Variants in ARHGEF10 observed in about 807,000 individuals in gnomAD.
ARHGEF10 encodes Rho guanine nucleotide exchange factor 10.
ARHGEF10 carries 140 observed loss-of-function variants against 147.4 expected under a neutral mutation model. The observed-to-expected ratio is 0.95, with a 90% CI of 0.83 to 1.09. The LOEUF is 1.09. ARHGEF10 is among the 50% of genes least tolerant of loss of function. The probability of loss-of-function intolerance (pLI) is 0.00; values close to 1 mark genes in which losing one functional copy is unlikely to be tolerated. For synonymous variants in ARHGEF10, 902 were observed against 695.8 expected (o/e 1.30, Z -4.67); for missense variants, 2,222 against 1,752.7 (o/e 1.27, Z -4.78).
At chr8:1,918,056 G>T (rs779273351) in intron 18 of ARHGEF10, among the ~76,000 whole-genome samples, 9 of 152,088 alleles carry the variant, frequency 5.9e-5, no homozygotes, top group Non-Finnish European at 1.3e-4. Flanking sequence ...CCAAAGTGCT[G>T]GGATTATAGG....
intron 26 of ARHGEF10, among the ~76,000 whole-genome samples, chr8:1,941,130 A>G (rs547234871): frequency 1.1e-4 from 16 of 152,338 alleles, no homozygotes; most frequent in African/African-American, 3.8e-4. Flanking sequence ...GCAATTAGAC[A>G]AGGGAAAAAG....
intron 15 of ARHGEF10, 100 bp from the exon 16 acceptor site, chr8:1,903,181 C>A (rs956897461): frequency 4.9e-6 from 7 of 1,442,254 alleles, no homozygotes; most frequent in Non-Finnish European, 6.8e-6. Context: ...ATGGCAGATG[C>A]CACTGCCTCC....
In ARHGEF10 at chr8:1,859,881, C is replaced by G; in HGVS notation, c.194-16C>G. ...TTGGTGATGTGTCTGCTGACAAGTCCTTTCTGCATCCCCAGGAGGTGAGGA... is the reference window on the plus strand; with the variant it reads ...TTGGTGATGTGTCTGCTGACAAGTCGTTTCTGCATCCCCAGGAGGTGAGGA... On this transcript the variant is annotated splice_polypyrimidine_tract_variant and intron_variant, in intron 3 of 28. Coordinates refer to ENST00000349830, the MANE Select transcript of ARHGEF10 (RefSeq NM_014629.4). 5.0e-6 allele frequency: 8 copies of G among 1,613,892 alleles called. No homozygotes were observed. Among genetic ancestry groups the G allele is most frequent in the Non-Finnish European group, 5.9e-6 (7 of 1,180,012 alleles).
chr8:1,862,182 G>A (rs1806185131), intron 4 of ARHGEF10, among the ~76,000 whole-genome samples: 1 of 152,222 alleles, frequency 6.6e-6, no homozygotes, highest in Non-Finnish European at 1.5e-5. Flanking sequence ...CTTCCTGCCT[G>A]GTGGCACTGC....
At chr8:1,921,071 C>T (rs1427200936) in intron 18 of ARHGEF10, among the ~76,000 whole-genome samples, 2 of 152,164 alleles carry the variant, frequency 1.3e-5, no homozygotes, top group East Asian at 3.9e-4. Flanking sequence ...CAGGAGTGAG[C>T]CACTATGCCT....
chr8:1,954,167 C>T (rs1476788218), intron 28 of ARHGEF10, among the ~76,000 whole-genome samples: 1 of 152,072 alleles, frequency 6.6e-6, no homozygotes, highest in African/African-American at 2.4e-5. Context: ...AGTCTCGGCT[C>T]ACTGCACCCT....
chr8:1,858,187 T>TGAGTCCCCAG, intron 3 of ARHGEF10, 72 bp downstream of exon 3: 42 of 1,037,864 alleles, frequency 4.0e-5, no homozygotes, highest in African/African-American at 6.6e-5. Context: ...TGGGTCCCCA[T>TGAGTCCCCAG]GTGAGTCACC....
chr8:1,909,530 C>G, intron 18 of ARHGEF10, 60 bp downstream of exon 18: 1 of 1,603,800 alleles, frequency 6.2e-7, no homozygotes, highest in Non-Finnish European at 8.5e-7. Context: ...CACGTTCATG[C>G]TAGCTGTGGG....
chr8:1,951,896 G>A (rs1815078357), intron 27 of ARHGEF10, among the ~76,000 whole-genome samples: 1 of 152,138 alleles, frequency 6.6e-6, no homozygotes, highest in African/African-American at 2.4e-5. Flanking sequence ...TGTAACTGCA[G>A]TGAGGTGGGG....
intron 2 of ARHGEF10, among the ~76,000 whole-genome samples, chr8:1,844,425 C>CTGGGG: frequency 6.6e-6 from 1 of 151,970 alleles, no homozygotes. Context: ...CCAGGGGTCA[C>CTGGGG]CGGGGCCTGC....
chr8:1,954,535 A>G (rs140377592), intron 28 of ARHGEF10, among the ~76,000 whole-genome samples: 3 of 152,292 alleles, frequency 2.0e-5, no homozygotes, highest in African/African-American at 7.2e-5. Flanking sequence ...CTCAGCCTGT[A>G]AATACATAGA....
intron 2 of ARHGEF10, among the ~76,000 whole-genome samples, chr8:1,844,210 T>A (rs1804328739): frequency 6.6e-6 from 1 of 152,036 alleles, no homozygotes; most frequent in Admixed American, 6.6e-5. Flanking sequence ...TGGGTGTGGG[T>A]CTTGGGAGAT....
chr8:1,827,899 G>A (rs993841349), intron 1 of ARHGEF10, among the ~76,000 whole-genome samples: 2 of 152,188 alleles, frequency 1.3e-5, no homozygotes, highest in African/African-American at 2.4e-5. Flanking sequence ...GTGAGGGAGC[G>A]ATGGGGAAGC....
chr8:1,850,216 C>T (rs1316831738), intron 2 of ARHGEF10, among the ~76,000 whole-genome samples: 1 of 134,076 alleles, frequency 7.5e-6, no homozygotes, highest in Admixed American at 7.2e-5. Flanking sequence ...GCATGGATGG[C>T]AAATGCTAAG....
intron 22 of ARHGEF10, among the ~76,000 whole-genome samples, chr8:1,925,867 C>T (rs975601379): frequency 2.6e-5 from 4 of 152,226 alleles, no homozygotes; most frequent in Admixed American, 6.5e-5. Context: ...TCAGGCATCA[C>T]AGGCCAGGGC....
rs145290157 is a variant in ARHGEF10, at chr8:1,884,607, G to A, written c.1076-994G>A. Among the ~76,000 whole-genome samples the A allele has an allele frequency of 4.0e-3, 615 of 152,248 alleles. 3 individuals carry two copies. The highest frequency in any genetic ancestry group is 0.014 in the African/African-American group (566 of 41,554). The stretch of plus-strand genomic sequence containing the variant: ...AGTCTGGGCATCAGTAGGTTTTAAA[G>A]CCCCTTAGATAGATGTTTCTGTGCA... On this transcript the variant is annotated intron_variant, in intron 10 of 28. Transcript: ENST00000349830.
chr8:1,901,987 A>AT (rs5888899), intron 15 of ARHGEF10, among the ~76,000 whole-genome samples: 107,583 of 151,312 alleles, frequency 0.71, 38,609 homozygotes, highest in East Asian at 0.98. Flanking sequence ...GCAGAACCAC[A>AT]TTTTTTTTTC....
At chr8:1,826,862 G>A (rs557081573) in intron 1 of ARHGEF10, among the ~76,000 whole-genome samples, 6 of 152,342 alleles carry the variant, frequency 3.9e-5, no homozygotes, top group South Asian at 4.1e-4. Context: ...GGTAAGTGGC[G>A]TGAAATAAGA....
intron 3 of ARHGEF10, 52 bp downstream of exon 3, chr8:1,858,167 A>AGGTGGGTCCCCAGGTGG (rs776286696): frequency 7.3e-5 from 92 of 1,256,426 alleles, no homozygotes; most frequent in Admixed American, 3.8e-4. Flanking sequence ...TCCCCAGGTG[A>AGGTGGGTCCCCAGGTGG]GTCCCCAGGT....
Sources: gnomAD v4.1 joint callset for allele counts (sites outside exome capture counted in the v4.1 genomes callset) on GRCh38, gnomAD v4.1.1 for gene constraint, MANE v1.5 for transcripts, NCBI Gene and HGNC (gene_info 2026-07-23, HGNC 2026-07-21) for gene names.